The following PCDH7 variants were observed in gnomAD, a reference collection of about 807,000 sequenced individuals.
The protein encoded by PCDH7 is protocadherin-7.
Under a neutral mutation model 58.9 loss-of-function variants are expected in PCDH7, and 17 were observed. That is an observed-to-expected ratio of 0.29 (90% confidence interval 0.20 to 0.43). PCDH7 has a LOEUF of 0.43. Ranked by LOEUF, PCDH7 falls within the 20% of genes least tolerant of loss-of-function variation. The probability of loss-of-function intolerance (pLI) is 1.00; values close to 1 mark genes in which losing one functional copy is unlikely to be tolerated. For missense variants in PCDH7, 1,274 were observed against 1,441.0 expected, an observed-to-expected ratio of 0.88 and a Z score of 1.88; for synonymous variants, 664 against 616.4, an observed-to-expected ratio of 1.08 and a Z score of -1.14.
At chr4:30,930,712 G>T (rs188453423) in intron 2 of PCDH7, among the ~76,000 whole-genome samples, 26 of 152,248 alleles carry the variant, frequency 1.7e-4, no homozygotes, top group Admixed American at 6.5e-4. Context: ...TGGGTGGATT[G>T]CTTGTGCCCG....
intron 1 of PCDH7, among the ~76,000 whole-genome samples, chr4:30,794,591 C>T (rs1294470685): frequency 6.6e-6 from 1 of 151,036 alleles, no homozygotes; most frequent in Non-Finnish European, 1.5e-5. Flanking sequence ...TATGCAAAAC[C>T]TTATAAGAAG....
At chr4:30,843,946 GA>G (rs201585982) in intron 1 of PCDH7, among the ~76,000 whole-genome samples, 20 of 151,772 alleles carry the variant, frequency 1.3e-4, no homozygotes, top group South Asian at 1.0e-3. Flanking sequence ...AAAAATAAAA[GA>G]AAAAAAAGTC....
chr4:30,764,338 G>A (rs1316037414), intron 1 of PCDH7, among the ~76,000 whole-genome samples: 1 of 152,110 alleles, frequency 6.6e-6, no homozygotes, highest in Non-Finnish European at 1.5e-5. Context: ...ATGGTTAAAC[G>A]TATGCTTAAT....
intron 1 of PCDH7, among the ~76,000 whole-genome samples, chr4:30,796,322 T>C (rs894368043): frequency 6.6e-6 from 1 of 152,256 alleles, no homozygotes; most frequent in Admixed American, 6.5e-5. Flanking sequence ...CGTTATTTAC[T>C]GTTTAGTCTG....
At chr4:30,902,636 T>G (rs538536784) in intron 1 of PCDH7, among the ~76,000 whole-genome samples, 2 of 151,944 alleles carry the variant, frequency 1.3e-5, no homozygotes, top group East Asian at 3.9e-4. Flanking sequence ...ATTAAGATAT[T>G]AGTGAAGTAA....
At chr4:30,956,294 A>T (rs1226402782) in intron 3 of PCDH7, among the ~76,000 whole-genome samples, 1 of 152,180 alleles carries the variant, frequency 6.6e-6, no homozygotes, top group Admixed American at 6.5e-5. Flanking sequence ...CAGACATAAT[A>T]ATACCAATAA....
chr4:31,009,769 C>G (rs1753037403), intron 3 of PCDH7, among the ~76,000 whole-genome samples: 1 of 151,796 alleles, frequency 6.6e-6, no homozygotes, highest in Non-Finnish European at 1.5e-5. Context: ...TAAAACAAAC[C>G]CCACCTTTAG....
At chr4:30,924,091 T>G (rs4235015) in intron 2 of PCDH7, among the ~76,000 whole-genome samples, 117,700 of 152,028 alleles carry the variant, frequency 0.77, 46,415 homozygotes, top group African/African-American at 0.94. Flanking sequence ...CTTGGAGTGG[T>G]ATACAATGGT....
chr4:30,957,710 G>A (rs904849983), intron 3 of PCDH7, among the ~76,000 whole-genome samples: 10 of 152,172 alleles, frequency 6.6e-5, no homozygotes, highest in Non-Finnish European at 1.0e-4. Flanking sequence ...ACTGCATATC[G>A]AATGTCTTTA....
downstream of PCDH7, among the ~76,000 whole-genome samples, chr4:30,736,675 A>G (rs761115760): frequency 2.6e-5 from 4 of 151,726 alleles, no homozygotes; most frequent in Middle Eastern, 3.5e-3. Context: ...AGCTGGGACT[A>G]CAGGGGCCCG....
chr4:30,811,497 T>C (rs1302804206), intron 1 of PCDH7, among the ~76,000 whole-genome samples: 2 of 152,028 alleles, frequency 1.3e-5, no homozygotes, highest in African/African-American at 4.8e-5. Context: ...GCTAATGAAG[T>C]GCTATGGAAA....
chr4:30,853,203 C>T (rs1236179653), intron 1 of PCDH7, among the ~76,000 whole-genome samples: 1 of 152,072 alleles, frequency 6.6e-6, no homozygotes, highest in African/African-American at 2.4e-5. Context: ...GAATCCTGAT[C>T]CATCCCTCTT....
chr4:30,812,631 G>A lies in PCDH7; in HGVS notation c.70+88035G>A, dbSNP rs1368233112. Among the ~76,000 whole-genome samples, 4 of 152,200 alleles carry A rather than the reference G, an allele frequency of 2.6e-5. No homozygotes were observed. In the East Asian group the frequency reaches 7.7e-4, roughly 29 times the overall value. On this transcript the variant is annotated intron_variant, in intron 1 of 3. Transcript: ENST00000509759. The stretch of plus-strand genomic sequence containing the variant: ...AAACTTTAATCTAGTATATGCTATT[G>A]TGTTAATTCCATTTCAGCTTTAATC...
chr4:30,961,100 G>T (rs556714244), intron 3 of PCDH7, among the ~76,000 whole-genome samples: 2 of 152,004 alleles, frequency 1.3e-5, no homozygotes, highest in South Asian at 2.1e-4. Context: ...ATCTTCTCTT[G>T]CCAAATGAAT....
intron 3 of PCDH7, among the ~76,000 whole-genome samples, chr4:30,973,421 A>G (rs1310588546): frequency 6.6e-6 from 1 of 152,202 alleles, no homozygotes; most frequent in Non-Finnish European, 1.5e-5. Context: ...AAAATGTTTA[A>G]CTGAGTGTAA....
intron 3 of PCDH7, among the ~76,000 whole-genome samples, chr4:30,968,847 A>G (rs1749284395): frequency 6.6e-6 from 1 of 152,104 alleles, no homozygotes; most frequent in South Asian, 2.1e-4. Context: ...GTTCTGAACC[A>G]TACATGTGCC....
intron 1 of PCDH7, among the ~76,000 whole-genome samples, chr4:30,873,117 A>C (rs898453793): frequency 5.9e-5 from 9 of 152,120 alleles, no homozygotes; most frequent in African/African-American, 2.2e-4. Flanking sequence ...AGTTTGATTA[A>C]GATGAAAGAA....
chr4:31,115,416 G>A (rs1716873777), intron 3 of PCDH7, among the ~76,000 whole-genome samples: 1 of 152,012 alleles, frequency 6.6e-6, no homozygotes, highest in Non-Finnish European at 1.5e-5. Context: ...TAATTGACAT[G>A]ATGTGTTTAC....
chr4:30,725,890 T>A (rs1321490939), intron 1 of PCDH7, among the ~76,000 whole-genome samples: 2 of 152,116 alleles, frequency 1.3e-5, no homozygotes, highest in African/African-American at 4.8e-5. Flanking sequence ...ATATTTTCTG[T>A]ATATAGTACT....
Sources: allele counts gnomAD v4.1 joint callset (sites outside exome capture counted in the v4.1 genomes callset), GRCh38; gene constraint gnomAD v4.1.1; transcripts MANE v1.5; gene names NCBI Gene and HGNC (gene_info 2026-07-23, HGNC 2026-07-21).